PSD3: variants seen among roughly 807,000 people sequenced by gnomAD.
PSD3 encodes the protein PH and SEC7 domain-containing protein 3.
PSD3 carries 49 observed loss-of-function variants against 105.5 expected under a neutral mutation model. The ratio of observed to expected loss-of-function variants is 0.46; its 90% CI spans 0.37 to 0.59. The LOEUF (loss-of-function observed/expected upper bound fraction) is 0.59, where lower values mean the gene tolerates loss of function less well. Ranked by LOEUF, PSD3 falls within the 20% of genes least tolerant of loss-of-function variation. PSD3 has a pLI of 0.00. For missense variants in PSD3, 1,561 were observed against 1,263.8 expected, an observed-to-expected ratio of 1.24 and a Z score of -3.57; for synonymous variants, 557 against 457.8, an observed-to-expected ratio of 1.22 and a Z score of -2.77.
intron 11 of PSD3, among the ~76,000 whole-genome samples, chr8:18,612,807 T>C (rs1354332290): frequency 2.0e-5 from 3 of 152,214 alleles, no homozygotes; most frequent in African/African-American, 7.2e-5. Context: ...ATTGGAGATA[T>C]CAAACATGAA....
chr8:18,651,946 A>T (rs10503623), intron 10 of PSD3, among the ~76,000 whole-genome samples: 38,603 of 152,108 alleles, frequency 0.25, 5,188 homozygotes, highest in South Asian at 0.44. Context: ...GGAAGATTGG[A>T]GACAGAAGGC....
chr8:19,028,299 C>CCCCTTTT (rs1563517980), intron 1 of PSD3, among the ~76,000 whole-genome samples: 2 of 96,182 alleles, frequency 2.1e-5, no homozygotes, highest in Non-Finnish European at 2.0e-5. Flanking sequence ...CCGGCCCACC[C>CCCCTTTT]TTTTTTTTTT....
intron 10 of PSD3, among the ~76,000 whole-genome samples, chr8:18,644,289 T>A (rs1188129044): frequency 6.6e-6 from 1 of 152,360 alleles, no homozygotes; most frequent in East Asian, 1.9e-4. Flanking sequence ...TCGTTCTATC[T>A]TTAAGTCATT....
intron 2 of PSD3, among the ~76,000 whole-genome samples, chr8:18,907,754 T>C (rs1423478231): frequency 1.3e-5 from 2 of 152,224 alleles, no homozygotes; most frequent in Non-Finnish European, 2.9e-5. Context: ...AAGCAGCACA[T>C]GACTGTACCA....
intron 12 of PSD3, among the ~76,000 whole-genome samples, chr8:18,581,022 G>T (rs113004188): frequency 1.7e-4 from 26 of 152,258 alleles, no homozygotes; most frequent in Middle Eastern, 6.8e-3. Flanking sequence ...GCAGAGACTG[G>T]CAGGGACAGA....
chr8:18,872,137 C>A lies in PSD3; in HGVS notation c.727G>T (p.Val243Leu), dbSNP rs141947756. 2 of 1,614,122 alleles carry A rather than the reference C, an allele frequency of 1.2e-6. No individual in the cohort carries two copies. The highest frequency in any genetic ancestry group is 1.1e-5 in the South Asian group (1 of 91,050). Residue 243 changes from valine to leucine, a missense_variant, in exon 3 of 16, where the codon GTG becomes TTG. Coordinates refer to ENST00000327040, the MANE Select transcript of PSD3 (RefSeq NM_015310.4). ...GCCAAAGGACAAGATGGCTCCTGCA[C>A]ACAGACAGCCCCTTTCCTCCCATTA... Reference protein sequence around the residue: ...MNNGRKGAVCVQEPSCPLASL... With the variant: ...MNNGRKGAVCLQEPSCPLASL...
At chr8:18,984,918 C>A (rs1825426356) in intron 1 of PSD3, among the ~76,000 whole-genome samples, 2 of 152,078 alleles carry the variant, frequency 1.3e-5, no homozygotes, top group Admixed American at 1.3e-4. Context: ...TAACCCTGAC[C>A]CATCACGCTT....
intron 15 of PSD3, among the ~76,000 whole-genome samples, chr8:18,554,567 T>A (rs1467961315): frequency 3.9e-5 from 6 of 152,178 alleles, no homozygotes; most frequent in Non-Finnish European, 7.4e-5. Context: ...GTCATTTTTT[T>A]AATCAAATGC....
intron 2 of PSD3, among the ~76,000 whole-genome samples, chr8:18,933,822 G>C (rs1482324499): frequency 1.3e-5 from 2 of 152,066 alleles, no homozygotes; most frequent in Admixed American, 1.3e-4. Flanking sequence ...ACCCTGTCAG[G>C]GAAAGAGTAA....
At chr8:18,580,908 T>C (rs1802773180) in intron 12 of PSD3, among the ~76,000 whole-genome samples, 1 of 152,184 alleles carries the variant, frequency 6.6e-6, no homozygotes, top group African/African-American at 2.4e-5. Flanking sequence ...CCCGTCGCTC[T>C]TAACCATTCC....
intron 12 of PSD3, among the ~76,000 whole-genome samples, chr8:18,576,406 A>G (rs763141901): frequency 6.6e-6 from 1 of 152,174 alleles, no homozygotes; most frequent in Non-Finnish European, 1.5e-5. Flanking sequence ...TGACAATGAC[A>G]GTCTTCTCGA....
intron 11 of PSD3, among the ~76,000 whole-genome samples, chr8:18,605,870 C>T (rs906622833): frequency 2.6e-5 from 4 of 152,084 alleles, no homozygotes; most frequent in African/African-American, 4.8e-5. Flanking sequence ...AGTGGTGCTC[C>T]CCCTTTACCT....
chr8:19,005,734 C>T (rs1356378175), intron 1 of PSD3, among the ~76,000 whole-genome samples: 3 of 152,044 alleles, frequency 2.0e-5, no homozygotes, highest in Admixed American at 2.0e-4. Context: ...AGAGATCCTC[C>T]TACCTTGGCT....
chr8:18,574,140 TAATC>T (rs1490605992), intron 13 of PSD3, among the ~76,000 whole-genome samples: 4 of 152,064 alleles, frequency 2.6e-5, no homozygotes, highest in Non-Finnish European at 4.4e-5. Context: ...ACCATACACA[TAATC>T]AATAAACAAA....
intron 1 of PSD3, among the ~76,000 whole-genome samples, chr8:19,063,334 T>G (rs1358055042): frequency 6.6e-6 from 1 of 152,246 alleles, no homozygotes; most frequent in Non-Finnish European, 1.5e-5. Flanking sequence ...AAAATCATCT[T>G]TTGAAAATAT....
At chr8:18,571,254 A>T (rs555102891) in intron 14 of PSD3, among the ~76,000 whole-genome samples, 3 of 152,168 alleles carry the variant, frequency 2.0e-5, no homozygotes, top group Non-Finnish European at 4.4e-5. Context: ...GCCTTTGCTG[A>T]CCTCTGCAGA....
At chr8:18,993,568 T>C (rs78862056) in intron 1 of PSD3, among the ~76,000 whole-genome samples, 7 of 152,206 alleles carry the variant, frequency 4.6e-5, no homozygotes, top group East Asian at 1.9e-4. Flanking sequence ...GCTGCTGTGA[T>C]TGCTAGTAAC....
chr8:18,804,804 C>T lies in PSD3; in HGVS notation c.1729G>A (p.Gly577Ser). 1.9e-6 allele frequency: 3 copies of T among 1,614,068 alleles called. No homozygotes were observed. Among genetic ancestry groups the T allele is most frequent in the East Asian group, 2.2e-5 (1 of 44,882 alleles). ...GCTGCTTCCACATTGCTGCTGGTAC[C>T]ATTACTGAGATTTTCTGGGGTCTCC... Reference protein sequence around the residue: ...EKETPENLSNGTSSNVEAAKR... With the variant: ...EKETPENLSNSTSSNVEAAKR... The change falls in exon 5 of 16, where the codon GGT becomes AGT. Residue 577 changes from glycine to serine, a missense_variant. Gly to Ser is a moderately conservative substitution (Grantham distance 56). Coordinates refer to ENST00000327040, the MANE Select transcript of PSD3 (RefSeq NM_015310.4).
At chr8:18,589,845 T>C (rs1479824963) in intron 12 of PSD3, among the ~76,000 whole-genome samples, 1 of 152,160 alleles carries the variant, frequency 6.6e-6, no homozygotes, top group East Asian at 1.9e-4. Context: ...GCCCAAAAGG[T>C]TGATTTAAGA....
Sources: gnomAD v4.1 joint callset for allele counts (sites outside exome capture counted in the v4.1 genomes callset) on GRCh38, gnomAD v4.1.1 for gene constraint, MANE v1.5 for transcripts, NCBI Gene and HGNC (gene_info 2026-07-23, HGNC 2026-07-21) for gene names.